ZNF536: variants seen among roughly 807,000 people sequenced by gnomAD.
The protein encoded by ZNF536 is zinc finger protein 536.
In ZNF536, 13 loss-of-function variants were observed where a neutral mutation model predicts 84.5. The ratio of observed to expected loss-of-function variants is 0.15; its 90% CI spans 0.10 to 0.24. ZNF536 has a LOEUF of 0.24. Ranked by LOEUF, ZNF536 falls within the 10% of genes least tolerant of loss-of-function variation. The probability of loss-of-function intolerance (pLI) is 1.00; values close to 1 mark genes in which losing one functional copy is unlikely to be tolerated. For synonymous variants in ZNF536, 811 were observed against 742.5 expected, an observed-to-expected ratio of 1.09 and a Z score of -1.50; for missense variants, 1,536 against 1,747.5, an observed-to-expected ratio of 0.88 and a Z score of 2.16.
At position 30,637,666 on chromosome 19, in the gene ZNF536, A is replaced by T. The variant is rs141061182; in HGVS notation, c.170-73091A>T. 4.4e-3 allele frequency among the ~76,000 whole-genome samples: 676 copies of T among 152,328 alleles called. 1 individual carries two copies. The highest frequency in any genetic ancestry group is 8.9e-3 in the South Asian group (43 of 4,818). ...ACATCCTTCTACCCTTGATGATCAC[A>T]TAGCTCTTCTTCCAATCCAAACCCA... On this transcript the variant is annotated intron_variant, in intron 1 of 1. Coordinates refer to the ZNF536 transcript ENST00000592773.
At chr19:30,428,927 G>A (rs2051328789) in intron 1 of ZNF536, among the ~76,000 whole-genome samples, 1 of 152,182 alleles carries the variant, frequency 6.6e-6, no homozygotes, top group African/African-American at 2.4e-5. Flanking sequence ...GGCCTCAGAG[G>A]CACCCACAGG....
Position 30,588,437 on chromosome 19 carries a change from G to T in ZNF536, c.169+38923G>T, listed in dbSNP as rs189414344. 1.8e-3 allele frequency among the ~76,000 whole-genome samples: 279 copies of T among 152,306 alleles called. 4 individuals are homozygous for T. The highest frequency in any genetic ancestry group is 2.5e-3 in the Admixed American group (38 of 15,302). On this transcript the variant is annotated intron_variant, in intron 1 of 1. Transcript: ENST00000592773. ...TTGAGGAGGAGATTGGCAGACTAAG[G>T]CCAGCCAATGGGGAGAAGCAAGAGG...
chr19:30,396,691 C>T (rs1439570989), intron 1 of ZNF536, among the ~76,000 whole-genome samples: 6 of 151,066 alleles, frequency 4.0e-5, no homozygotes, highest in African/African-American at 9.7e-5. Flanking sequence ...ACCTCTGCCC[C>T]GCCGCCAGGT....
At chr19:30,440,292 C>A (rs62101959) in intron 1 of ZNF536, among the ~76,000 whole-genome samples, 3,619 of 152,182 alleles carry the variant, frequency 0.024, 72 homozygotes, top group Non-Finnish European at 0.037. Flanking sequence ...GTTTCTGAAC[C>A]TTCAGCTTCT....
chr19:30,348,352 G>T (rs1460505340), intron 2 of ZNF536, among the ~76,000 whole-genome samples: 1 of 152,216 alleles, frequency 6.6e-6, no homozygotes, highest in African/African-American at 2.4e-5. Context: ...AATAAACAGT[G>T]TCAGGGTACC....
rs1485670466 is a variant in ZNF536 at position 30,466,735 on chromosome 19, G to C, written c.2170+21003G>C. Among the ~76,000 whole-genome samples the C allele has an allele frequency of 2.5e-5, 3 of 120,516 alleles. No individual in the cohort carries two copies. The South Asian group carries it at 8.9e-4, about 36-fold the overall frequency. 79.1% of individuals were successfully genotyped at this position (120,516 alleles called of 152,430 possible). A position where few individuals can be genotyped will look rare whatever the true frequency, so the allele number is the denominator to read the frequency against. On this transcript the variant is annotated intron_variant, in intron 2 of 4. Coordinates refer to ENST00000355537, the MANE Select transcript of ZNF536 (RefSeq NM_014717.3). ...TAGGAAGGAAGGAAGGAAGGAGGGA[G>C]GGAGGGAAGGAAGAAAGGAGGGAAG...
chr19:30,336,697 G>A (rs1410028547), intron 2 of ZNF536, among the ~76,000 whole-genome samples: 1 of 152,274 alleles, frequency 6.6e-6, no homozygotes, highest in South Asian at 2.1e-4. Context: ...GTACATGCCT[G>A]GAAAGCATTG....
At chr19:30,665,207 G>A (rs528141076) in intron 1 of ZNF536, 10 of 152,276 alleles carry the variant, frequency 6.6e-5, no homozygotes, top group Middle Eastern at 3.4e-3. Flanking sequence ...GCCAGGCATG[G>A]TAGCACATGC....
intron 2 of ZNF536, among the ~76,000 whole-genome samples, chr19:30,478,844 A>G (rs1003412799): frequency 6.6e-6 from 1 of 152,178 alleles, no homozygotes; most frequent in African/African-American, 2.4e-5. Flanking sequence ...CAATGCACTT[A>G]GTGCACAGGA....
At chr19:30,333,992 C>G (rs904133184) in intron 2 of ZNF536, among the ~76,000 whole-genome samples, 5 of 152,010 alleles carry the variant, frequency 3.3e-5, no homozygotes, top group Non-Finnish European at 5.9e-5. Context: ...TTAAAAGAAA[C>G]CCCCAAACCA....
chr19:30,515,428 A>G (rs73022901), intron 2 of ZNF536, among the ~76,000 whole-genome samples: 14,751 of 152,254 alleles, frequency 0.097, 985 homozygotes, highest in Non-Finnish European at 0.15. Flanking sequence ...TATTATCACC[A>G]TTACTTTTAG....
intron 1 of ZNF536, among the ~76,000 whole-genome samples, chr19:30,576,509 C>A: frequency 6.6e-6 from 1 of 152,178 alleles, no homozygotes. Flanking sequence ...TTCTTTCTGA[C>A]CTCCTGGGGA....
intron 2 of ZNF536, chr19:30,300,721 C>T (rs1013365219): frequency 1.3e-5 from 2 of 152,320 alleles, no homozygotes; most frequent in African/African-American, 4.8e-5. Flanking sequence ...CAGGGCAGAG[C>T]CCAGAGCAGC....
At chr19:30,651,610 A>C (rs1449231291) in intron 1 of ZNF536, among the ~76,000 whole-genome samples, 1 of 152,222 alleles carries the variant, frequency 6.6e-6, no homozygotes, top group African/African-American at 2.4e-5. Flanking sequence ...TGCAGACCCC[A>C]AAAGAAAACT....
chr19:30,301,198 C>T (rs752670023), intron 2 of ZNF536, among the ~76,000 whole-genome samples: 2 of 152,122 alleles, frequency 1.3e-5, no homozygotes, highest in East Asian at 1.9e-4. Flanking sequence ...CCAGTGGTGA[C>T]GTGCGGGTTC....
intron 1 of ZNF536, among the ~76,000 whole-genome samples, chr19:30,681,183 T>G (rs916258052): frequency 6.6e-6 from 1 of 152,202 alleles, no homozygotes; most frequent in African/African-American, 2.4e-5. Context: ...ATGGAAAGTC[T>G]GTTTTAAGGA....
chr19:30,437,037 A>C (rs1267102663), intron 1 of ZNF536, among the ~76,000 whole-genome samples: 1 of 152,242 alleles, frequency 6.6e-6, no homozygotes, highest in East Asian at 1.9e-4. Flanking sequence ...AATCCAGTGC[A>C]AATGGTTATT....
At chr19:30,310,875 T>C (rs540294614) in intron 2 of ZNF536, among the ~76,000 whole-genome samples, 1 of 152,212 alleles carries the variant, frequency 6.6e-6, no homozygotes. Flanking sequence ...ACAGGGACCA[T>C]GGGCTGTGGC....
In ZNF536 at chr19:30,480,649, G is replaced by A. The variant is rs1294299538; in HGVS notation, c.2170+34917G>A. On this transcript the variant is annotated intron_variant, in intron 2 of 4. Transcript: ENST00000355537. ...ATTGATAGGTGCAGCAAACCACCAT[G>A]GCACATGTATACCTATGTAACAAAC... Among the ~76,000 whole-genome samples the A allele has an allele frequency of 1.4e-4, 21 of 152,044 alleles. 1 individual carries two copies. The highest frequency in any genetic ancestry group is 3.1e-4 in the Non-Finnish European group (21 of 68,028).
Sources: allele counts gnomAD v4.1 joint callset (sites outside exome capture counted in the v4.1 genomes callset), GRCh38; gene constraint gnomAD v4.1.1; transcripts MANE v1.5; gene names NCBI Gene and HGNC (gene_info 2026-07-23, HGNC 2026-07-21).